ANO3: variants seen among roughly 807,000 people sequenced by gnomAD.
The protein encoded by ANO3 is anoctamin-3.
A neutral mutation model predicts 144.8 loss-of-function variants in ANO3; 99 were observed. The ratio of observed to expected loss-of-function variants is 0.68; its 90% CI spans 0.58 to 0.81. The LOEUF (loss-of-function observed/expected upper bound fraction) is 0.81. Ranked by LOEUF, ANO3 falls within the 30% of genes least tolerant of loss-of-function variation. The probability of loss-of-function intolerance (pLI) is 0.00; values close to 1 mark genes in which losing one functional copy is unlikely to be tolerated. For missense variants in ANO3, 905 were observed against 1,202.2 expected, an observed-to-expected ratio of 0.75 and a Z score of 3.66; for synonymous variants, 414 against 392.6, an observed-to-expected ratio of 1.05 and a Z score of -0.64.
intron 1 of ANO3, among the ~76,000 whole-genome samples, chr11:26,356,600 T>C (rs979873809): frequency 6.6e-6 from 1 of 152,236 alleles, no homozygotes; most frequent in East Asian, 1.9e-4. Context: ...TTGATTATTC[T>C]ATTATATTGT....
chr11:26,529,012 G>A (rs1344789849), intron 7 of ANO3, among the ~76,000 whole-genome samples: 1 of 140,820 alleles, frequency 7.1e-6, no homozygotes, highest in Non-Finnish European at 1.5e-5. Flanking sequence ...ACTTGGCAAA[G>A]GAAAAATCCA....
chr11:26,640,276 G>A (rs920453508), intron 21 of ANO3, among the ~76,000 whole-genome samples: 1 of 152,168 alleles, frequency 6.6e-6, no homozygotes, highest in Non-Finnish European at 1.5e-5. Flanking sequence ...AAGATTAACT[G>A]AGATGACCCA....
intron 1 of ANO3, among the ~76,000 whole-genome samples, chr11:26,366,601 A>T (rs1202968699): frequency 3.9e-5 from 6 of 152,128 alleles, no homozygotes; most frequent in Admixed American, 3.9e-4. Context: ...CCAACAGTGT[A>T]AAAGTGTTCC....
intron 20 of ANO3, among the ~76,000 whole-genome samples, chr11:26,635,815 A>G (rs1852939363): frequency 6.6e-6 from 1 of 152,192 alleles, no homozygotes; most frequent in Admixed American, 6.5e-5. Flanking sequence ...ATCTTTGGAG[A>G]CTGGCAGTCT....
chr11:26,231,842 T>C (rs1271298586), intron 1 of ANO3, among the ~76,000 whole-genome samples: 1 of 152,220 alleles, frequency 6.6e-6, no homozygotes, highest in Non-Finnish European at 1.5e-5. Flanking sequence ...TTATGACTAT[T>C]ATTTGGAGTC....
chr11:26,268,945 A>G (rs2133834392), intron 1 of ANO3, among the ~76,000 whole-genome samples: 2 of 152,252 alleles, frequency 1.3e-5, no homozygotes, highest in East Asian at 1.9e-4. Flanking sequence ...ATGTACAAAT[A>G]TGACTTTCCC....
intron 1 of ANO3, among the ~76,000 whole-genome samples, chr11:26,359,214 T>C (rs921707189): frequency 1.3e-5 from 2 of 152,210 alleles, no homozygotes; most frequent in African/African-American, 4.8e-5. Context: ...GGCAGTCAAA[T>C]TAGCTTGGCA....
In ANO3 at chr11:26,661,983, T is replaced by C. The variant is rs918239922; in HGVS notation, c.*1539T>C. The C allele has an allele frequency of 6.6e-6, 1 of 152,122 alleles. No individual in the cohort carries two copies. The highest frequency in any genetic ancestry group is 6.6e-5 in the Admixed American group (1 of 15,234). 9.4% of individuals were successfully genotyped at this position (152,122 alleles called of 1,614,324 possible). A position where few individuals can be genotyped will look rare whatever the true frequency, so the allele number is the denominator to read the frequency against. On this transcript the variant is annotated 3_prime_UTR_variant, in exon 27 of 27. Transcript: ENST00000256737. ...ATTTGTCCAATCAAGCAAAGCACCA[T>C]TATTTCTAACATATAAAAGACCAGA... is the stretch of plus-strand genomic sequence containing the variant.
intron 1 of ANO3, among the ~76,000 whole-genome samples, chr11:26,336,142 C>A (rs1855187024): frequency 1.3e-5 from 2 of 152,132 alleles, no homozygotes; most frequent in Admixed American, 6.5e-5. Flanking sequence ...TGGGGAAAGT[C>A]CAACTTTCTT....
At chr11:26,281,813 C>T (rs12286711) in intron 1 of ANO3, among the ~76,000 whole-genome samples, 6,182 of 152,178 alleles carry the variant, frequency 0.041, 401 homozygotes, top group African/African-American at 0.14. Flanking sequence ...CCTTCTGCAA[C>T]TATGGCAAGT....
intron 1 of ANO3, among the ~76,000 whole-genome samples, chr11:26,240,418 T>G (rs1852638266): frequency 6.6e-6 from 1 of 152,130 alleles, no homozygotes; most frequent in South Asian, 2.1e-4. Flanking sequence ...TAAGTCCTAT[T>G]ATACAAAAAC....
intron 4 of ANO3, among the ~76,000 whole-genome samples, chr11:26,489,057 C>T (rs1860590820): frequency 6.6e-6 from 1 of 152,182 alleles, no homozygotes; most frequent in African/African-American, 2.4e-5. Context: ...TCCAAGTGCC[C>T]ACCCGACCCA....
In ANO3 at chr11:26,373,103, GACAC is replaced by G. The variant is rs201382854; in HGVS notation, c.46+40792_46+40795del. On this transcript the variant is annotated intron_variant, in intron 1 of 26. Transcript: ENST00000256737. ...CATGGCAATTATGTATATACGGGCA[GACAC>G]ACACACACATATAAATGTAAATGAT... Among the ~76,000 whole-genome samples, 9 of 152,082 alleles carry G rather than the reference GACAC, an allele frequency of 5.9e-5. No homozygotes were observed. In the South Asian group the frequency reaches 1.2e-3, roughly 21 times the overall value.
At chr11:26,231,275 G>C (rs910457158) in intron 1 of ANO3, among the ~76,000 whole-genome samples, 1 of 152,154 alleles carries the variant, frequency 6.6e-6, no homozygotes, top group Non-Finnish European at 1.5e-5. Context: ...TTGGCCTATG[G>C]TCAGGACCAT....
rs151058143 is a variant in ANO3 at position 26,552,265 on chromosome 11, G to A, written c.1290-984G>A. On this transcript the variant is annotated intron_variant, in intron 12 of 26. Transcript: ENST00000256737. ...ACTATTGATCCCCACTTTGGCTTGA[G>A]ATTATATACATCCCATACTTGAAAT... is the stretch of plus-strand genomic sequence containing the variant. Among the ~76,000 whole-genome samples the A allele has an allele frequency of 1.3e-3, 196 of 152,116 alleles. 1 individual carries two copies. The highest frequency in any genetic ancestry group is 2.7e-3 in the African/African-American group (113 of 41,526).
intron 1 of ANO3, among the ~76,000 whole-genome samples, chr11:26,299,112 G>A (rs1466620493): frequency 1.3e-5 from 2 of 152,150 alleles, no homozygotes; most frequent in African/African-American, 4.8e-5. Flanking sequence ...AAAGAGAAGA[G>A]TCTAAGGTTT....
rs1856268891 is a variant in ANO3 at position 26,371,842 on chromosome 11, T to C, written c.46+39521T>C. On this transcript the variant is annotated intron_variant, in intron 1 of 26. Coordinates refer to ENST00000256737, the MANE Select transcript of ANO3 (RefSeq NM_031418.4). Reference sequence around the variant, plus strand: ...TTGCCCAATGCCTCTACCCCTGTTGTATCTAGGCAGGAACTAATGTGTTAT... The same window carrying C: ...TTGCCCAATGCCTCTACCCCTGTTGCATCTAGGCAGGAACTAATGTGTTAT... 1.3e-5 allele frequency among the ~76,000 whole-genome samples: 2 copies of C among 152,238 alleles called. 1 individual carries two copies. The highest frequency in any genetic ancestry group is 4.1e-4 in the South Asian group (2 of 4,836).
At chr11:26,324,766 G>A (rs1376665765) in intron 1 of ANO3, among the ~76,000 whole-genome samples, 2 of 152,156 alleles carry the variant, frequency 1.3e-5, no homozygotes, top group Non-Finnish European at 2.9e-5. Context: ...TGAGTCCAAA[G>A]GCAGTCTGGA....
chr11:26,444,088 T>C (rs1858623587), intron 3 of ANO3, among the ~76,000 whole-genome samples: 1 of 152,276 alleles, frequency 6.6e-6, no homozygotes, highest in South Asian at 2.1e-4. Context: ...TTCTGAAAAT[T>C]TCAATTTTTT....
Sources: allele counts gnomAD v4.1 joint callset (sites outside exome capture counted in the v4.1 genomes callset), GRCh38; gene constraint gnomAD v4.1.1; transcripts MANE v1.5; gene names NCBI Gene and HGNC (gene_info 2026-07-23, HGNC 2026-07-21).